SLC6A11: variants seen among roughly 807,000 people sequenced by gnomAD.
SLC6A11 encodes sodium- and chloride-dependent GABA transporter 3.
SLC6A11 carries 25 observed loss-of-function variants against 74.8 expected under a neutral mutation model. The observed-to-expected ratio is 0.33, with a 90% CI of 0.24 to 0.47. The LOEUF (loss-of-function observed/expected upper bound fraction) is 0.47. Ranked by LOEUF, SLC6A11 falls within the 20% of genes least tolerant of loss-of-function variation. SLC6A11 has a pLI of 1.00. For synonymous variants in SLC6A11, 330 were observed against 330.2 expected (o/e 1.00, Z 0.01); for missense variants, 574 against 837.0 (o/e 0.69, Z 3.88).
chr3:10,887,085 GCAGA>G (rs1575689825), intron 6 of SLC6A11, among the ~76,000 whole-genome samples: 1 of 149,784 alleles, frequency 6.7e-6, no homozygotes, highest in African/African-American at 2.5e-5. Flanking sequence ...GGATGGATGG[GCAGA>G]CAGACGGATG....
intron 6 of SLC6A11, among the ~76,000 whole-genome samples, chr3:10,909,871 C>T (rs1323272859): frequency 2.0e-5 from 3 of 152,170 alleles, no homozygotes; most frequent in Non-Finnish European, 4.4e-5. Flanking sequence ...ACACTTTTTT[C>T]TCCACTGGAC....
At chr3:10,896,950 G>A (rs138562216) in intron 6 of SLC6A11, among the ~76,000 whole-genome samples, 289 of 152,270 alleles carry the variant, frequency 1.9e-3, no homozygotes, top group African/African-American at 6.4e-3. Flanking sequence ...GAGGTTTATT[G>A]GTCTTACAGT....
intron 10 of SLC6A11, among the ~76,000 whole-genome samples, chr3:10,931,723 C>T (rs1367276985): frequency 6.6e-6 from 1 of 152,234 alleles, no homozygotes; most frequent in East Asian, 1.9e-4. Flanking sequence ...TAGATGGGGC[C>T]CATACTCCCC....
chr3:10,931,628 C>A (rs1695688593), intron 10 of SLC6A11, among the ~76,000 whole-genome samples: 1 of 152,216 alleles, frequency 6.6e-6, no homozygotes, highest in Non-Finnish European at 1.5e-5. Flanking sequence ...CCATACAAAT[C>A]TGCGTTTCTG....
chr3:10,845,444 T>A (rs971732829), intron 5 of SLC6A11, among the ~76,000 whole-genome samples: 1 of 152,186 alleles, frequency 6.6e-6, no homozygotes, highest in Non-Finnish European at 1.5e-5. Flanking sequence ...ACCACATCCC[T>A]CCTTGCCAGC....
intron 5 of SLC6A11, among the ~76,000 whole-genome samples, chr3:10,868,315 G>T (rs1325086044): frequency 1.3e-5 from 2 of 152,142 alleles, no homozygotes; most frequent in Non-Finnish European, 2.9e-5. Flanking sequence ...TTAGGGTGGG[G>T]TGGCCCTTCT....
At position 10,918,538 on chromosome 3, in the gene SLC6A11, G is replaced by A. The variant is rs573075218; in HGVS notation, c.1120+85G>A. 79 of 1,460,772 alleles carry A rather than the reference G, an allele frequency of 5.4e-5. No individual in the cohort carries two copies. In the African/African-American group the frequency reaches 5.5e-4, roughly 10 times the overall value. The allele number at this position is 1,460,772 out of a possible 1,614,324, so 90.5% of individuals were successfully genotyped here. On this transcript the variant is annotated intron_variant, in intron 8 of 13. Coordinates refer to ENST00000254488, the MANE Select transcript of SLC6A11 (RefSeq NM_014229.3). The surrounding 1 kb of genome is among the most constrained non-coding windows in gnomAD (Gnocchi z 4.5). ...TCATGGAAATGCGATCTTCCTCCTC[G>A]GCTCACACATCTCCTGGATTCAGGC...
chr3:10,922,655 AT>A (rs1400775689), intron 8 of SLC6A11, among the ~76,000 whole-genome samples: 2 of 152,028 alleles, frequency 1.3e-5, no homozygotes, highest in South Asian at 2.1e-4. Context: ...TGAATATATC[AT>A]TTTTTTTATT....
chr3:10,929,657 T>C (rs186131332), intron 10 of SLC6A11, among the ~76,000 whole-genome samples: 49 of 152,334 alleles, frequency 3.2e-4, no homozygotes, highest in African/African-American at 1.1e-3. Flanking sequence ...GAATAACTTC[T>C]GGGTGAAGCA....
At chr3:10,871,330 G>A (rs1011295589) in intron 5 of SLC6A11, among the ~76,000 whole-genome samples, 12 of 152,166 alleles carry the variant, frequency 7.9e-5, no homozygotes, top group Admixed American at 7.9e-4. Flanking sequence ...GTTTTACATG[G>A]TAAGGTTCTT....
chr3:10,913,384 A>T lies in SLC6A11; in HGVS notation c.995+1191A>T, dbSNP rs375366082. Among the ~76,000 whole-genome samples, 215 of 152,340 alleles carry T rather than the reference A, an allele frequency of 1.4e-3. 8 individuals are homozygous for T. In the South Asian group the frequency reaches 0.043, roughly 31 times the overall value. On this transcript the variant is annotated intron_variant, in intron 7 of 13. Transcript: ENST00000254488. ...TCAAAATAACCACCTCCATAAAGTG[A>T]GACTGGGAAGTCAGAGGTGGGGAGG...
In SLC6A11 at chr3:10,933,013, G is replaced by A. The variant is rs562032855; in HGVS notation, c.1372-138G>A. The A allele has an allele frequency of 4.6e-5, 31 of 669,062 alleles. No homozygotes were observed. The South Asian group carries it at 5.4e-4, about 12-fold the overall frequency. The allele number at this position is 669,062 out of a possible 1,614,324, so 41.4% of individuals were successfully genotyped here. On this transcript the variant is annotated intron_variant, in intron 10 of 13. Coordinates refer to ENST00000254488, the MANE Select transcript of SLC6A11 (RefSeq NM_014229.3). ...TGGGAGGGTGCAATTTTCAAACTGGGAAGACTAGGGAGAAACAGATTCCTG... is the reference window on the plus strand; with the variant it reads ...TGGGAGGGTGCAATTTTCAAACTGGAAAGACTAGGGAGAAACAGATTCCTG...
At chr3:10,853,009 G>C (rs894057580) in intron 5 of SLC6A11, among the ~76,000 whole-genome samples, 1 of 152,168 alleles carries the variant, frequency 6.6e-6, no homozygotes, top group Non-Finnish European at 1.5e-5. Flanking sequence ...GTGTGAGTTA[G>C]CGTGGGCCAT....
intron 4 of SLC6A11, among the ~76,000 whole-genome samples, chr3:10,837,752 G>A (rs182695904): frequency 1.3e-5 from 2 of 152,286 alleles, no homozygotes; most frequent in Admixed American, 6.5e-5. Context: ...TGATGTAGAG[G>A]CCTGAAATTC....
intron 5 of SLC6A11, among the ~76,000 whole-genome samples, chr3:10,856,000 G>A (rs1694635026): frequency 6.6e-6 from 1 of 152,186 alleles, no homozygotes; most frequent in Admixed American, 6.5e-5. Flanking sequence ...TGTGCTATGA[G>A]TGGTCACTTG....
intron 5 of SLC6A11, among the ~76,000 whole-genome samples, chr3:10,852,628 T>C (rs566056535): frequency 6.6e-6 from 1 of 152,144 alleles, no homozygotes; most frequent in South Asian, 2.1e-4. Context: ...CTGGCAGTGG[T>C]GCTGCAGTTA....
chr3:10,904,451 C>T (rs369045733), intron 6 of SLC6A11, among the ~76,000 whole-genome samples: 9 of 152,310 alleles, frequency 5.9e-5, no homozygotes, highest in African/African-American at 1.7e-4. Flanking sequence ...GAATGTGGAC[C>T]GCCCACAGCT....
intron 4 of SLC6A11, among the ~76,000 whole-genome samples, chr3:10,830,394 G>T (rs1305321032): frequency 1.3e-5 from 2 of 152,212 alleles, no homozygotes; most frequent in South Asian, 4.1e-4. Flanking sequence ...AGGGGCCAGA[G>T]CATCTATGCA....
rs113855154 is a variant in SLC6A11 at position 10,919,683 on chromosome 3, G to A, written c.1120+1230G>A. On this transcript the variant is annotated intron_variant, in intron 8 of 13. Coordinates refer to ENST00000254488, the MANE Select transcript of SLC6A11 (RefSeq NM_014229.3). The stretch of plus-strand genomic sequence containing the variant: ...GCAAGGGCCCCTGAGGAAATCAGGC[G>A]TACAAGCTAGACCAGAGGATACGAG... Among the ~76,000 whole-genome samples the A allele has an allele frequency of 4.6e-5, 7 of 152,222 alleles. No homozygotes were observed. The East Asian group carries it at 7.7e-4, about 17-fold the overall frequency.
Sources: gnomAD v4.1 joint callset for allele counts (sites outside exome capture counted in the v4.1 genomes callset) on GRCh38, gnomAD v4.1.1 for gene constraint, Gnocchi (gnomAD v3.1) non-coding constraint, MANE v1.5 for transcripts, NCBI Gene and HGNC (gene_info 2026-07-23, HGNC 2026-07-21) for gene names.